Variants in TBCD observed in about 807,000 individuals in gnomAD.
The protein encoded by TBCD is tubulin folding cofactor D.
A neutral mutation model predicts 169.3 loss-of-function variants in TBCD; 105 were observed. The observed-to-expected ratio is 0.62, with a 90% confidence interval of 0.53 to 0.73. The LOEUF (loss-of-function observed/expected upper bound fraction) is 0.73. Ranked by LOEUF, TBCD falls within the 30% of genes least tolerant of loss-of-function variation. The pLI is 0.00. For synonymous variants in TBCD, 700 were observed against 643.9 expected (o/e 1.09, Z -1.32); for missense variants, 1,444 against 1,600.1 (o/e 0.90, Z 1.66).
At position 82,781,587 on chromosome 17, in the gene TBCD, A is replaced by C; in HGVS notation, c.639-2A>C. 1 of 1,613,578 alleles carries C rather than the reference A, an allele frequency of 6.2e-7. No individual in the cohort carries two copies. On this transcript the variant is annotated splice_acceptor_variant, in intron 6 of 38. Transcript: ENST00000355528. LOFTEE classifies it high-confidence loss of function. ...CTTGGTTGAGCTGTATCCTTTTGGCAGATTTATCACACGTCCTGATGTCAA... is the reference window on the plus strand; with the variant it reads ...CTTGGTTGAGCTGTATCCTTTTGGCCGATTTATCACACGTCCTGATGTCAA...
At chr17:82,847,085 C>T (rs558782300) in intron 13 of TBCD, among the ~76,000 whole-genome samples, 5 of 152,254 alleles carry the variant, frequency 3.3e-5, no homozygotes, top group African/African-American at 1.2e-4. Context: ...GGCGTGGTGG[C>T]TCACGCCTGT....
rs1325942903 is a variant in TBCD at position 82,818,457 on chromosome 17, G to A, written c.1318+3523G>A. ...ACCTCACACCATTCCTCTGAGAGCC[G>A]TCTTGTTTATATAAAGCTATAGTTG... On this transcript the variant is annotated intron_variant, in intron 13 of 38. Coordinates refer to ENST00000355528, the MANE Select transcript of TBCD (RefSeq NM_005993.5). 3.9e-5 allele frequency among the ~76,000 whole-genome samples: 6 copies of A among 152,188 alleles called. No individual in the cohort carries two copies. The South Asian group carries it at 1.0e-3, about 26-fold the overall frequency.
At chr17:82,817,488 G>A (rs2144989286) in intron 13 of TBCD, among the ~76,000 whole-genome samples, 1 of 152,196 alleles carries the variant, frequency 6.6e-6, no homozygotes, top group Middle Eastern at 3.4e-3. Context: ...ATAGAGATGG[G>A]GTTTTCCCAT....
chr17:82,784,762 G>A lies in TBCD; in HGVS notation c.771+3041G>A, dbSNP rs184842071. Among the ~76,000 whole-genome samples the A allele has an allele frequency of 1.6e-3, 241 of 152,290 alleles. 1 individual carries two copies. The highest frequency in any genetic ancestry group is 5.5e-3 in the African/African-American group (227 of 41,550). On this transcript the variant is annotated intron_variant, in intron 7 of 38. Transcript: ENST00000355528. ...CAAGGACACGCTCTTAGGTCCCTAA[G>A]ACCCCAGAAGAATGGGCCGCTACTG... is the stretch of plus-strand genomic sequence containing the variant.
At chr17:82,796,094 C>G (rs1378768444) in intron 7 of TBCD, 1 of 152,286 alleles carries the variant, frequency 6.6e-6, no homozygotes, top group African/African-American at 2.4e-5. Flanking sequence ...GTCTTGTCTT[C>G]TTATCCCCCA....
At chr17:82,900,210 C>T (rs1417163408) in intron 17 of TBCD, among the ~76,000 whole-genome samples, 1 of 152,234 alleles carries the variant, frequency 6.6e-6, no homozygotes, top group East Asian at 1.9e-4. Flanking sequence ...CTCCCCCACC[C>T]TGAGGCCCCT....
intron 17 of TBCD, among the ~76,000 whole-genome samples, chr17:82,897,737 G>A (rs557933405): frequency 5.9e-5 from 9 of 152,284 alleles, no homozygotes; most frequent in African/African-American, 2.2e-4. Flanking sequence ...GGGCTCCCCC[G>A]TTTTAGAATC....
chr17:82,936,189 CCT>C (rs1301271597), intron 34 of TBCD, among the ~76,000 whole-genome samples: 10 of 152,172 alleles, frequency 6.6e-5, no homozygotes, highest in African/African-American at 2.4e-4. Flanking sequence ...ACGTCTTTTC[CCT>C]CTCTCTTTGC....
intron 1 of TBCD, among the ~76,000 whole-genome samples, chr17:82,754,825 G>C (rs540810919): frequency 5.9e-5 from 9 of 152,360 alleles, no homozygotes; most frequent in African/African-American, 2.2e-4. Flanking sequence ...TTCAGCTGCT[G>C]AGAGGAGGAG....
intron 16 of TBCD, among the ~76,000 whole-genome samples, chr17:82,892,911 C>T (rs373510352): frequency 8.5e-5 from 13 of 152,100 alleles, no homozygotes; most frequent in African/African-American, 3.1e-4. Flanking sequence ...GCTGTCGTGG[C>T]GGGGTGGGAG....
At chr17:82,925,899 G>A (rs1238239498) in intron 27 of TBCD, among the ~76,000 whole-genome samples, 1 of 152,004 alleles carries the variant, frequency 6.6e-6, no homozygotes, top group African/African-American at 2.4e-5. Flanking sequence ...CCTGGGGTGG[G>A]GGCTGGCCGT....
Position 82,783,074 on chromosome 17 carries a change from C to T in TBCD, c.771+1353C>T, listed in dbSNP as rs534866019. On this transcript the variant is annotated intron_variant, in intron 7 of 38. Coordinates refer to ENST00000355528, the MANE Select transcript of TBCD (RefSeq NM_005993.5). ...GGCCGTGGCAGGTTCTGCCAGGGAG[C>T]GGGAGGCTGTCAGCTGGGTGGAGGG... Among the ~76,000 whole-genome samples the T allele has an allele frequency of 5.1e-3, 577 of 112,778 alleles. 3 individuals carry two copies. Among genetic ancestry groups the T allele is most frequent in the Admixed American group, 6.8e-3 (67 of 9,900 alleles). The allele number at this position is 112,778 out of a possible 152,430, so 74.0% of individuals were successfully genotyped here.
intron 38 of TBCD, chr17:82,942,234 G>C: frequency 1.7e-6 from 1 of 605,114 alleles, no homozygotes; most frequent in South Asian, 2.1e-5. Flanking sequence ...CTCCCTTCCC[G>C]CTCCCCAGAT....
At chr17:82,760,938 A>G (rs1010187919) in intron 2 of TBCD, among the ~76,000 whole-genome samples, 1 of 151,704 alleles carries the variant, frequency 6.6e-6, no homozygotes, top group Non-Finnish European at 1.5e-5. Context: ...GTGTGATGAA[A>G]TGTTTACTTC....
intron 15 of TBCD, chr17:82,886,193 A>G (rs1007930535): frequency 6.6e-6 from 1 of 152,154 alleles, no homozygotes; most frequent in South Asian, 2.1e-4. Flanking sequence ...CGTCCATCCC[A>G]TGGTTTGTGA....
intron 13 of TBCD, among the ~76,000 whole-genome samples, chr17:82,855,249 T>A (rs902645333): frequency 2.4e-5 from 3 of 123,690 alleles, no homozygotes; most frequent in African/African-American, 3.7e-5. Flanking sequence ...TTTTTTTTTT[T>A]TTTTTTTTTT....
At position 82,900,795 on chromosome 17, in the gene TBCD, G is replaced by A; in HGVS notation, c.1730+64G>A. 4 of 1,202,206 alleles carry A rather than the reference G, an allele frequency of 3.3e-6. No homozygotes were observed. In the South Asian group the frequency reaches 4.9e-5, roughly 15 times the overall value. 74.5% of individuals were successfully genotyped at this position (1,202,206 alleles called of 1,614,324 possible). Reference sequence around the variant, plus strand: ...CCCCCCAAAGGAGAGATTCAGTTGAGCTTATAAGCCTTGAGTGTATTTTCT... The same window carrying A: ...CCCCCCAAAGGAGAGATTCAGTTGAACTTATAAGCCTTGAGTGTATTTTCT... On this transcript the variant is annotated intron_variant, in intron 18 of 38. Coordinates refer to ENST00000355528, the MANE Select transcript of TBCD (RefSeq NM_005993.5).
intron 37 of TBCD, among the ~76,000 whole-genome samples, chr17:82,940,752 A>T (rs1053886070): frequency 6.6e-6 from 1 of 151,780 alleles, no homozygotes; most frequent in African/African-American, 2.4e-5. Flanking sequence ...TTTTACAATG[A>T]TTTTTTTAAA....
chr17:82,927,815 A>G, intron 29 of TBCD, 90 bp from the exon 30 acceptor site: 6 of 1,186,334 alleles, frequency 5.1e-6, no homozygotes, highest in Non-Finnish European at 7.4e-6. Context: ...ACGGGTGTCG[A>G]ATTCACACAG....
Sources: gnomAD v4.1 joint callset for allele counts (sites outside exome capture counted in the v4.1 genomes callset) on GRCh38, gnomAD v4.1.1 for gene constraint, MANE v1.5 for transcripts, NCBI Gene and HGNC (gene_info 2026-07-23, HGNC 2026-07-21) for gene names.